The following KYAT1 variants were observed in gnomAD, a reference collection of about 807,000 sequenced individuals.
KYAT1 encodes the protein kynurenine--oxoglutarate transaminase 1.
Under a neutral mutation model 52.4 loss-of-function variants are expected in KYAT1, and 47 were observed. The observed-to-expected ratio is 0.90, with a 90% CI of 0.71 to 1.14. The LOEUF (loss-of-function observed/expected upper bound fraction) is 1.14. Among genes scored for constraint, KYAT1 ranks in the 50% most tolerant of loss-of-function variants. KYAT1 has a pLI of 0.00. For synonymous variants in KYAT1, 212 were observed against 209.6 expected (o/e 1.01, Z -0.10); for missense variants, 480 against 557.9 (o/e 0.86, Z 1.41).
At chr9:128,842,554 G>A in intron 3 of KYAT1, 100 bp downstream of exon 3, 2 of 1,207,454 alleles carry the variant, frequency 1.7e-6, no homozygotes, top group Non-Finnish European at 2.4e-6. Flanking sequence ...AGAATCCCCT[G>A]GCTCTGTCCC....
chr9:128,881,295 A>C (rs879515296), intron 1 of KYAT1, among the ~76,000 whole-genome samples: 1 of 151,930 alleles, frequency 6.6e-6, no homozygotes, highest in Non-Finnish European at 1.5e-5. Flanking sequence ...GTTAGCCAGG[A>C]TGGTCTCGAT....
chr9:128,838,523 T>G (rs985689005), intron 3 of KYAT1, among the ~76,000 whole-genome samples, 156 bp from the exon 4 acceptor site: 1 of 152,200 alleles, frequency 6.6e-6, no homozygotes, highest in African/African-American at 2.4e-5. Context: ...TAGATCAGCT[T>G]TCAACACTCT....
At chr9:128,844,756 T>C (rs529958108) in intron 2 of KYAT1, among the ~76,000 whole-genome samples, 1 of 152,000 alleles carries the variant, frequency 6.6e-6, no homozygotes, top group South Asian at 2.1e-4. Flanking sequence ...TCCCAGCTAC[T>C]TGGAGGCTGA....
chr9:128,868,955 TG>T (rs1168798486), intron 1 of KYAT1, among the ~76,000 whole-genome samples: 1 of 151,552 alleles, frequency 6.6e-6, no homozygotes, highest in Non-Finnish European at 1.5e-5. Context: ...CTGCCCACCT[TG>T]GCCTCCCAAA....
In KYAT1 at chr9:128,838,249, G is replaced by A; in HGVS notation, c.320C>T (p.Ala107Val). 6.2e-7 allele frequency: 1 copy of A among 1,614,204 alleles called. No homozygotes were observed. Among genetic ancestry groups the A allele is most frequent in the Non-Finnish European group, 8.5e-7 (1 of 1,180,038 alleles). The change falls in exon 4 of 13, where the codon GCC (alanine) becomes GTC (valine). Residue 107 changes from alanine to valine, a missense_variant. Coordinates refer to ENST00000302586, the MANE Select transcript of KYAT1 (RefSeq NM_004059.5). ...TCCTTCGTCCACCAGGGCCTGGAAGGCTGTGAACAGGGCCCCATAGCCACC... is the reference window on the plus strand; with the variant it reads ...TCCTTCGTCCACCAGGGCCTGGAAGACTGTGAACAGGGCCCCATAGCCACC... ...TVGGYGALFTAFQALVDEGDE... is the reference protein window; with the variant it reads ...TVGGYGALFTVFQALVDEGDE...
At chr9:128,856,625 T>C (rs1055941680) in intron 1 of KYAT1, among the ~76,000 whole-genome samples, 42 of 152,220 alleles carry the variant, frequency 2.8e-4, no homozygotes, top group Admixed American at 9.8e-4. Context: ...ACATGTGTTG[T>C]CTGGAATCAA....
At chr9:128,858,395 T>TTAAAAAA (rs67073521) in intron 1 of KYAT1, among the ~76,000 whole-genome samples, 681 of 65,096 alleles carry the variant, frequency 0.01, 282 homozygotes, top group Middle Eastern at 0.095. Context: ...AGACCATGTA[T>TTAAAAAA]AAAAAAAAAA....
chr9:128,863,365 G>A (rs562650156), intron 1 of KYAT1, among the ~76,000 whole-genome samples: 1 of 152,070 alleles, frequency 6.6e-6, no homozygotes, highest in East Asian at 1.9e-4. Flanking sequence ...GGGCATGGTG[G>A]CTCACACCTG....
chr9:128,879,342 G>A (rs1462337037), intron 1 of KYAT1, among the ~76,000 whole-genome samples: 3 of 152,116 alleles, frequency 2.0e-5, no homozygotes, highest in African/African-American at 7.2e-5. Context: ...CAGGGAACTG[G>A]CAGTGCCATC....
chr9:128,858,651 C>G (rs1835019362), intron 1 of KYAT1, among the ~76,000 whole-genome samples: 1 of 151,944 alleles, frequency 6.6e-6, no homozygotes, highest in Non-Finnish European at 1.5e-5. Flanking sequence ...TGAGCCACTG[C>G]ACCATTGCAC....
chr9:128,867,189 G>T (rs1163463515), intron 1 of KYAT1, among the ~76,000 whole-genome samples: 1 of 152,064 alleles, frequency 6.6e-6, no homozygotes, highest in African/African-American at 2.4e-5. Context: ...TTTTTTGTTT[G>T]TTTGTTTTGA....
intron 1 of KYAT1, among the ~76,000 whole-genome samples, chr9:128,873,705 G>A (rs186654023): frequency 5.9e-5 from 9 of 151,934 alleles, no homozygotes; most frequent in South Asian, 2.1e-4. Flanking sequence ...GCTTGAACCC[G>A]AGAGATAGAG....
intron 1 of KYAT1, chr9:128,846,901 TC>T: frequency 6.7e-7 from 1 of 1,494,178 alleles, no homozygotes; most frequent in South Asian, 1.2e-5. Flanking sequence ...TTTGCTCAGT[TC>T]CACCTCGCTC....
chr9:128,849,058 T>C (rs1048529088), intron 1 of KYAT1, among the ~76,000 whole-genome samples: 11 of 150,698 alleles, frequency 7.3e-5, no homozygotes, highest in South Asian at 6.3e-4. Flanking sequence ...AAGGTTGCAG[T>C]GAGCCAAGAT....
intron 1 of KYAT1, among the ~76,000 whole-genome samples, chr9:128,866,905 CAA>C (rs536684198): frequency 8.6e-5 from 9 of 105,032 alleles, no homozygotes; most frequent in Non-Finnish European, 8.1e-5. Context: ...GACTCTGTCT[CAA>C]AAAAAAAAAA....
intron 2 of KYAT1, among the ~76,000 whole-genome samples, chr9:128,844,459 T>G (rs966547711): frequency 6.7e-6 from 1 of 149,840 alleles, no homozygotes; most frequent in African/African-American, 2.5e-5. Flanking sequence ...GGCGGGTGGA[T>G]CACGAGGTCA....
At chr9:128,847,930 T>C (rs1332930434) in intron 1 of KYAT1, among the ~76,000 whole-genome samples, 3 of 152,184 alleles carry the variant, frequency 2.0e-5, no homozygotes, top group Non-Finnish European at 4.4e-5. Context: ...CTGCAAATTA[T>C]TCCTGCTGTA....
intron 7 of KYAT1, 98 bp downstream of exon 7, chr9:128,836,704 C>T (rs1243184797): frequency 2.8e-6 from 4 of 1,406,154 alleles, no homozygotes; most frequent in Non-Finnish European, 3.9e-6. Flanking sequence ...GGCTCCATAA[C>T]CCTGGGTTCT....
intron 1 of KYAT1, among the ~76,000 whole-genome samples, chr9:128,865,156 T>C (rs1415063729): frequency 2.1e-5 from 3 of 144,872 alleles, no homozygotes; most frequent in African/African-American, 7.9e-5. Context: ...AGCCTGGAGG[T>C]TGGGGCTGAA....
Sources: allele counts gnomAD v4.1 joint callset (sites outside exome capture counted in the v4.1 genomes callset), GRCh38; gene constraint gnomAD v4.1.1; transcripts MANE v1.5; gene names NCBI Gene and HGNC (gene_info 2026-07-23, HGNC 2026-07-21).